Variants in ZFHX3 observed in about 807,000 individuals in gnomAD.
ZFHX3 encodes the protein zinc finger homeobox 3, also known as zinc finger homeobox protein 3.
In ZFHX3, 42 loss-of-function variants were observed where a neutral mutation model predicts 279.1. The ratio of observed to expected loss-of-function variants is 0.15; its 90% CI spans 0.12 to 0.19. ZFHX3 has a LOEUF of 0.19. ZFHX3 is among the 10% of genes least tolerant of loss of function. The pLI is 1.00. For missense variants in ZFHX3, 4,981 were observed against 4,754.0 expected (o/e 1.05, Z -1.40); for synonymous variants, 2,293 against 1,957.8 (o/e 1.17, Z -4.52).
chr16:73,238,920 C>A (rs1051000105), intron 5 of ZFHX3, among the ~76,000 whole-genome samples: 2 of 152,134 alleles, frequency 1.3e-5, no homozygotes, highest in Non-Finnish European at 2.9e-5. Flanking sequence ...AAGCATTTCT[C>A]CCCCGACCGA....
At chr16:72,996,299 T>C (rs946045851) in intron 1 of ZFHX3, among the ~76,000 whole-genome samples, 14 of 152,122 alleles carry the variant, frequency 9.2e-5, no homozygotes, top group African/African-American at 2.2e-4. Context: ...AATAAATTAA[T>C]TAATTAATTC....
intron 1 of ZFHX3, among the ~76,000 whole-genome samples, chr16:72,970,318 T>C (rs1370055993): frequency 6.6e-6 from 1 of 152,122 alleles, no homozygotes; most frequent in African/African-American, 2.4e-5. Context: ...CCAGCTATTA[T>C]TTATGCTCTG....
chr16:73,466,255 T>C (rs570358107), intron 2 of ZFHX3, among the ~76,000 whole-genome samples: 1 of 152,082 alleles, frequency 6.6e-6, no homozygotes. Flanking sequence ...GCCAAGGCAG[T>C]TGGATCCATT....
chr16:73,699,736 T>C (rs1174695578), intron 1 of ZFHX3, among the ~76,000 whole-genome samples: 1 of 152,196 alleles, frequency 6.6e-6, no homozygotes, highest in Admixed American at 6.5e-5. Context: ...TTTTAACTGA[T>C]AGTTCCCCAG....
chr16:73,184,125 G>A (rs939911142), intron 5 of ZFHX3, among the ~76,000 whole-genome samples: 1 of 152,014 alleles, frequency 6.6e-6, no homozygotes, highest in Non-Finnish European at 1.5e-5. Context: ...GGCTCTTTCG[G>A]GTTGTGACCA....
At chr16:72,847,401 C>T (rs75205975) in intron 4 of ZFHX3, among the ~76,000 whole-genome samples, 5,088 of 152,234 alleles carry the variant, frequency 0.033, 175 homozygotes, top group African/African-American at 0.079. Context: ...TAGGTGCAGG[C>T]AGGCAGCATT....
intron 2 of ZFHX3, among the ~76,000 whole-genome samples, chr16:72,955,776 C>CA (rs11441187): frequency 0.22 from 23,829 of 106,050 alleles, 3,258 homozygotes; most frequent in South Asian, 0.35. Context: ...GACTCTGTCT[C>CA]AAAAAAAAAA....
intron 1 of ZFHX3, among the ~76,000 whole-genome samples, chr16:73,784,092 T>C (rs1437108607): frequency 6.6e-6 from 1 of 151,814 alleles, no homozygotes; most frequent in East Asian, 1.9e-4. Context: ...CACAGGAAGA[T>C]GCCTGGCTGT....
At chr16:73,585,259 T>C (rs1342684753) in intron 2 of ZFHX3, among the ~76,000 whole-genome samples, 1 of 152,104 alleles carries the variant, frequency 6.6e-6, no homozygotes, top group African/African-American at 2.4e-5. Context: ...CAACTAAAAA[T>C]ACAAAAATTA....
intron 2 of ZFHX3, among the ~76,000 whole-genome samples, chr16:73,494,659 A>G (rs1037916252): frequency 6.6e-6 from 1 of 152,010 alleles, no homozygotes; most frequent in Non-Finnish European, 1.5e-5. Flanking sequence ...CCACGGGTTC[A>G]AGCGATTCTC....
rs8063123 is a variant in ZFHX3, at chr16:73,021,593, G to A, written c.-50+26159C>T. Among the ~76,000 whole-genome samples, 1,360 of 152,188 alleles carry A rather than the reference G, an allele frequency of 8.9e-3. 17 individuals carry two copies. Among genetic ancestry groups the A allele is most frequent in the African/African-American group, 0.031 (1,285 of 41,516 alleles). ...CACCTATAATACCATCACTTTGGGA[G>A]GCTGAGGTGGGTAGATCACCTGAGG... On this transcript the variant is annotated intron_variant, in intron 1 of 9. Transcript: ENST00000268489.
intron 1 of ZFHX3, among the ~76,000 whole-genome samples, chr16:73,681,213 G>A (rs2053006650): frequency 2.0e-5 from 3 of 152,120 alleles, no homozygotes; most frequent in South Asian, 2.1e-4. Flanking sequence ...AACAAATTAA[G>A]GCAACATGGG....
intron 1 of ZFHX3, among the ~76,000 whole-genome samples, chr16:73,796,011 C>T (rs60697509): frequency 0.039 from 5,865 of 152,250 alleles, 396 homozygotes; most frequent in African/African-American, 0.13. Flanking sequence ...GTTTAACAAA[C>T]GGCCATTGCG....
At chr16:73,694,488 C>T (rs367752549) in intron 1 of ZFHX3, among the ~76,000 whole-genome samples, 1 of 152,062 alleles carries the variant, frequency 6.6e-6, no homozygotes, top group Non-Finnish European at 1.5e-5. Context: ...GGGCTACAGA[C>T]GCATGTCACC....
At chr16:73,636,779 C>T (rs1188883767) in intron 2 of ZFHX3, among the ~76,000 whole-genome samples, 6 of 152,096 alleles carry the variant, frequency 3.9e-5, no homozygotes, top group African/African-American at 1.4e-4. Context: ...TAGACAAAGT[C>T]ATGTTTGTAG....
At chr16:73,303,319 T>C (rs1275844006) in intron 4 of ZFHX3, among the ~76,000 whole-genome samples, 1 of 152,210 alleles carries the variant, frequency 6.6e-6, no homozygotes, top group African/African-American at 2.4e-5. Flanking sequence ...TGAGCCATTA[T>C]GTTGGGCCGA....
At chr16:73,367,217 G>A (rs768060861) in intron 3 of ZFHX3, among the ~76,000 whole-genome samples, 15 of 152,134 alleles carry the variant, frequency 9.9e-5, no homozygotes, top group Non-Finnish European at 2.1e-4. Context: ...ATGGTCATGG[G>A]AAAATCGAGC....
chr16:73,655,935 G>A (rs1049434989), intron 2 of ZFHX3, among the ~76,000 whole-genome samples: 3 of 152,186 alleles, frequency 2.0e-5, no homozygotes, highest in Non-Finnish European at 4.4e-5. Flanking sequence ...ATACATAGAA[G>A]CATTTTTGCA....
intron 1 of ZFHX3, among the ~76,000 whole-genome samples, chr16:73,832,199 C>A (rs1567424352): frequency 6.7e-6 from 1 of 149,490 alleles, no homozygotes; most frequent in African/African-American, 2.6e-5. Flanking sequence ...TGCCCGACCT[C>A]ATATGCTTTT....
Sources: gnomAD v4.1 joint callset for allele counts (sites outside exome capture counted in the v4.1 genomes callset) on GRCh38, gnomAD v4.1.1 for gene constraint, MANE v1.5 for transcripts, NCBI Gene and HGNC (gene_info 2026-07-23, HGNC 2026-07-21) for gene names.